PCDH11Y: variants seen among roughly 807,000 people sequenced by gnomAD.
The protein encoded by PCDH11Y is protocadherin 11 Y-linked.
For synonymous variants in PCDH11Y, 9 were observed against 83.6 expected (o/e 0.11, Z 4.87); for missense variants, 12 against 224.8 (o/e 0.05, Z 6.05).
chrY:5,670,466 C>G (rs2053548006), intron 4 of PCDH11Y, among the ~76,000 whole-genome samples: 1 of 33,167 alleles, frequency 3.0e-5, no homozygotes, highest in Non-Finnish European at 7.5e-5. Flanking sequence ...TCTGTGCTAG[C>G]ATTTGTTATT....
chrY:5,108,480 G>A (rs2052797197), downstream of PCDH11Y, among the ~76,000 whole-genome samples: 38 of 33,009 alleles, frequency 1.2e-3, no homozygotes, highest in African/African-American at 3.3e-3. Flanking sequence ...GGGCGTGGTG[G>A]CTTATGCCTG....
chrY:5,344,579 T>C, intron 2 of PCDH11Y, among the ~76,000 whole-genome samples: 1 of 34,076 alleles, frequency 2.9e-5, no homozygotes, highest in South Asian at 6.3e-4. Context: ...TTTCATGTAA[T>C]ACAAAGTCAT....
intron 2 of PCDH11Y, among the ~76,000 whole-genome samples, chrY:5,212,069 T>C: frequency 6.0e-5 from 2 of 33,261 alleles, no homozygotes; most frequent in Non-Finnish European, 1.5e-4. Context: ...TACTCATTAT[T>C]TATATAAAAG....
At chrY:5,015,361 G>T (rs2052559876) in intron 1 of PCDH11Y, among the ~76,000 whole-genome samples, 1 of 32,768 alleles carries the variant, frequency 3.1e-5, no homozygotes, top group East Asian at 8.1e-4. Flanking sequence ...TTTCACCATT[G>T]CCATGTAGAC....
chrY:5,443,302 A>C, intron 2 of PCDH11Y, among the ~76,000 whole-genome samples: 1 of 33,478 alleles, frequency 3.0e-5, no homozygotes, highest in Non-Finnish European at 7.5e-5. Flanking sequence ...ATATTAACAG[A>C]CTAAAAAAGA....
At chrY:5,044,132 T>G in intron 3 of PCDH11Y, among the ~76,000 whole-genome samples, 1 of 29,899 alleles carries the variant, frequency 3.3e-5, no homozygotes, top group Non-Finnish European at 8.1e-5. Context: ...CTGATTTTAG[T>G]TATTTCTTGC....
At chrY:5,359,281 G>T in intron 2 of PCDH11Y, among the ~76,000 whole-genome samples, 2 of 32,149 alleles carry the variant, frequency 6.2e-5, no homozygotes, top group African/African-American at 1.2e-4. Flanking sequence ...CTAAACAAAT[G>T]GTGGGTTATT....
intron 2 of PCDH11Y, among the ~76,000 whole-genome samples, chrY:5,322,476 A>G: frequency 3.1e-5 from 1 of 32,322 alleles, no homozygotes; most frequent in Non-Finnish European, 7.5e-5. Context: ...GTAAATAGTC[A>G]TTATACTGTA....
At chrY:5,046,713 C>T (rs2052641877) in intron 3 of PCDH11Y, among the ~76,000 whole-genome samples, 255 of 33,443 alleles carry the variant, frequency 7.6e-3, no homozygotes, top group African/African-American at 0.027. Flanking sequence ...CCCCCAGCCT[C>T]GCTGCCGCCT....
chrY:5,655,417 T>A (rs2053535137), intron 4 of PCDH11Y, among the ~76,000 whole-genome samples: 1 of 33,069 alleles, frequency 3.0e-5, no homozygotes, highest in Admixed American at 2.8e-4. Flanking sequence ...CTTCTGTTAG[T>A]ACTTACGATT....
At chrY:5,492,307 TA>T in intron 2 of PCDH11Y, among the ~76,000 whole-genome samples, 1 of 32,307 alleles carries the variant, frequency 3.1e-5, no homozygotes, top group African/African-American at 1.2e-4. Context: ...ATCTTTCTAC[TA>T]GTTTGTATTC....
chrY:5,112,931 A>G (rs369113577), intron 2 of PCDH11Y, among the ~76,000 whole-genome samples: 1 of 33,988 alleles, frequency 2.9e-5, no homozygotes. Context: ...TAAAAAACCA[A>G]TGAACAGGTT....
intron 2 of PCDH11Y, among the ~76,000 whole-genome samples, chrY:5,138,016 T>C (rs2052842985): frequency 3.1e-5 from 1 of 32,293 alleles, no homozygotes; most frequent in African/African-American, 1.2e-4. Context: ...GAACATGTGA[T>C]AGGTCACAAA....
At chrY:5,466,354 T>A in intron 2 of PCDH11Y, among the ~76,000 whole-genome samples, 1 of 32,271 alleles carries the variant, frequency 3.1e-5, no homozygotes, top group Non-Finnish European at 7.6e-5. Flanking sequence ...CCCTCTCGTT[T>A]GATTGATGAG....
intron 2 of PCDH11Y, among the ~76,000 whole-genome samples, chrY:5,115,833 C>T (rs1410906485): frequency 4.5e-4 from 12 of 26,627 alleles, no homozygotes; most frequent in African/African-American, 1.8e-3. Context: ...CTCCGCCTCC[C>T]GGGTTCACGC....
At chrY:5,496,668 T>G in intron 2 of PCDH11Y, among the ~76,000 whole-genome samples, 9 of 31,663 alleles carry the variant, frequency 2.8e-4, no homozygotes, top group Admixed American at 8.9e-4. Context: ...TAATTATACT[T>G]AAGTTTTGGG....
At chrY:5,149,981 A>T in intron 2 of PCDH11Y, among the ~76,000 whole-genome samples, 2 of 32,790 alleles carry the variant, frequency 6.1e-5, no homozygotes, top group Non-Finnish European at 1.5e-4. Context: ...ACTTCTTTTG[A>T]TGAGGGTGCT....
At chrY:5,236,565 T>A (rs2052975587) in intron 2 of PCDH11Y, among the ~76,000 whole-genome samples, 1 of 32,475 alleles carries the variant, frequency 3.1e-5, no homozygotes, top group African/African-American at 1.2e-4. Flanking sequence ...ATGTGATAGT[T>A]TTTTCAAAAG....
At chrY:5,334,457 A>G in intron 2 of PCDH11Y, among the ~76,000 whole-genome samples, 15 of 33,928 alleles carry the variant, frequency 4.4e-4, no homozygotes, top group Non-Finnish European at 8.0e-4. Context: ...CAGTTTCAAG[A>G]CTAGGAAGTT....
Sources: gnomAD v4.1 joint callset for allele counts (sites outside exome capture counted in the v4.1 genomes callset) on GRCh38, gnomAD v4.1.1 for gene constraint, MANE v1.5 for transcripts, NCBI Gene and HGNC (gene_info 2026-07-23, HGNC 2026-07-21) for gene names.